Variants in SPECC1 observed in about 807,000 individuals in gnomAD.
SPECC1 encodes the protein cytospin-B.
A neutral mutation model predicts 104.1 loss-of-function variants in SPECC1; 62 were observed. That is an observed-to-expected ratio of 0.60 (90% confidence interval 0.49 to 0.74). The LOEUF is 0.74. Ranked by LOEUF, SPECC1 falls within the 30% of genes least tolerant of loss-of-function variation. The probability of loss-of-function intolerance (pLI) is 0.00; values close to 1 mark genes in which losing one functional copy is unlikely to be tolerated. For missense variants in SPECC1, 1,306 were observed against 1,310.5 expected (o/e 1.00, Z 0.05); for synonymous variants, 513 against 501.6 (o/e 1.02, Z -0.30).
chr17:20,157,853 G>T (rs946468892), intron 3 of SPECC1, among the ~76,000 whole-genome samples: 1 of 152,194 alleles, frequency 6.6e-6, no homozygotes, highest in Non-Finnish European at 1.5e-5. Context: ...TTTAAGAGAT[G>T]GTGTCTCACT....
intron 1 of SPECC1, among the ~76,000 whole-genome samples, chr17:20,045,683 C>T (rs1020830731): frequency 1.3e-5 from 2 of 152,188 alleles, no homozygotes; most frequent in Non-Finnish European, 2.9e-5. Flanking sequence ...TTGGTACATC[C>T]TAGCTCTCAG....
intron 4 of SPECC1, among the ~76,000 whole-genome samples, chr17:20,213,401 T>C (rs1416521993): frequency 6.6e-6 from 1 of 152,168 alleles, no homozygotes; most frequent in Non-Finnish European, 1.5e-5. Context: ...AGAGCTCTTA[T>C]TATAATCACT....
chr17:20,310,083 A>G (rs1052519557), intron 14 of SPECC1, among the ~76,000 whole-genome samples: 1 of 151,996 alleles, frequency 6.6e-6, no homozygotes, highest in Non-Finnish European at 1.5e-5. Flanking sequence ...CAGCCTCCCA[A>G]AGGGCTGGGA....
At chr17:20,245,331 A>G (rs1040998617) in intron 7 of SPECC1, among the ~76,000 whole-genome samples, 7 of 152,186 alleles carry the variant, frequency 4.6e-5, no homozygotes, top group African/African-American at 1.4e-4. Context: ...CACAGTTGCC[A>G]GCACCATAGC....
chr17:20,237,246 CAGA>C, intron 7 of SPECC1: 1 of 1,225,204 alleles, frequency 8.2e-7, no homozygotes, highest in Non-Finnish European at 1.0e-6. Context: ...AGAGCAGATG[CAGA>C]GCTGGGTACA....
At position 20,288,771 on chromosome 17, in the gene SPECC1, CTTTTTTTTTTTT is replaced by C. The variant is rs60578647; in HGVS notation, c.2941-8176_2941-8165del. ...TCATGGCAGGAGGTGAAGGGCACTT[CTTTTTTTTTTTT>C]TTTTTTTTTTTTTGTCCCAAGACGG... is the stretch of plus-strand genomic sequence containing the variant. On this transcript the variant is annotated intron_variant, in intron 12 of 14. Transcript: ENST00000395527. Among the ~76,000 whole-genome samples the C allele has an allele frequency of 1.5e-4, 11 of 73,736 alleles. 1 individual carries two copies. The East Asian group carries it at 2.1e-3, about 14-fold the overall frequency. The allele number at this position is 73,736 out of a possible 152,430, so 48.4% of individuals were successfully genotyped here.
chr17:20,137,210 C>T (rs1301512846), intron 3 of SPECC1, among the ~76,000 whole-genome samples: 4 of 152,204 alleles, frequency 2.6e-5, no homozygotes, highest in Non-Finnish European at 4.4e-5. Context: ...AACGCCTGCA[C>T]GGTTACACTG....
intron 3 of SPECC1, among the ~76,000 whole-genome samples, chr17:20,163,564 C>CTT (rs779886420): frequency 1.1e-3 from 164 of 143,288 alleles, no homozygotes; most frequent in African/African-American, 3.8e-3. Flanking sequence ...CTCTCTCTCT[C>CTT]TTTTTTTTTT....
intron 3 of SPECC1, among the ~76,000 whole-genome samples, chr17:20,144,175 C>CTTTTTTTTTT (rs1168474738): frequency 2.1e-5 from 2 of 94,408 alleles, no homozygotes; most frequent in African/African-American, 4.8e-5. Context: ...TTTTTCTTTT[C>CTTTTTTTTTT]TTTTTTTTTT....
chr17:20,068,305 A>G lies in SPECC1; in HGVS notation c.-21-28326A>G, dbSNP rs559349391. 4.6e-5 allele frequency among the ~76,000 whole-genome samples: 7 copies of G among 152,304 alleles called. No homozygotes were observed. The East Asian group carries it at 1.3e-3, about 29-fold the overall frequency. On this transcript the variant is annotated intron_variant, in intron 1 of 14. Transcript: ENST00000395527. ...AACATAAGGTTTTCAGGGTTCATCC[A>G]TGTATCGGTACATTATTCCTTTTTA...
At chr17:20,247,027 C>T (rs757494) in intron 8 of SPECC1, among the ~76,000 whole-genome samples, 192 bp from the exon 9 acceptor site, 64,832 of 152,008 alleles carry the variant, frequency 0.43, 14,454 homozygotes, top group East Asian at 0.8. Flanking sequence ...CTGACCTCCA[C>T]TCAGCTAAAT....
intron 1 of SPECC1, among the ~76,000 whole-genome samples, chr17:20,055,096 C>G (rs1400310946): frequency 1.3e-5 from 2 of 152,126 alleles, no homozygotes; most frequent in Admixed American, 6.5e-5. Context: ...CGTTTCCCGC[C>G]CTGCAGCTCC....
At chr17:20,220,704 C>G (rs2037820797) in intron 4 of SPECC1, among the ~76,000 whole-genome samples, 1 of 151,938 alleles carries the variant, frequency 6.6e-6, no homozygotes. Context: ...GCTGGGACTT[C>G]CAGTACTGTG....
chr17:20,280,655 T>C (rs2040735689), intron 12 of SPECC1, among the ~76,000 whole-genome samples: 3 of 152,254 alleles, frequency 2.0e-5, no homozygotes, highest in Non-Finnish European at 4.4e-5. Flanking sequence ...AGGTGGCTGC[T>C]GAGCACTTAA....
intron 7 of SPECC1, among the ~76,000 whole-genome samples, chr17:20,233,559 G>A (rs1322013112): frequency 2.6e-5 from 4 of 152,286 alleles, no homozygotes; most frequent in Admixed American, 6.5e-5. Context: ...TATTTTTAGA[G>A]ATGGGGGTCT....
chr17:20,256,199 C>G (rs184498454), intron 10 of SPECC1, among the ~76,000 whole-genome samples: 1 of 152,134 alleles, frequency 6.6e-6, no homozygotes, highest in Non-Finnish European at 1.5e-5. Context: ...TTAGTTGACA[C>G]GGTACATACT....
chr17:20,097,849 G>C (rs1219525207), intron 2 of SPECC1, among the ~76,000 whole-genome samples: 2 of 152,284 alleles, frequency 1.3e-5, no homozygotes, highest in East Asian at 3.9e-4. Flanking sequence ...TCGTGGAGCA[G>C]TTCTTTGTGT....
intron 3 of SPECC1, among the ~76,000 whole-genome samples, chr17:20,122,884 G>T (rs1181501722): frequency 6.6e-6 from 1 of 152,186 alleles, no homozygotes; most frequent in African/African-American, 2.4e-5. Flanking sequence ...TTCACCTGTT[G>T]AAGGACCCTT....
At chr17:20,185,609 T>C (rs923852620) in intron 3 of SPECC1, among the ~76,000 whole-genome samples, 1 of 152,112 alleles carries the variant, frequency 6.6e-6, no homozygotes, top group African/African-American at 2.4e-5. Flanking sequence ...TTGTGTTAAG[T>C]GATGAGGTTA....
Sources: allele counts gnomAD v4.1 joint callset (sites outside exome capture counted in the v4.1 genomes callset), GRCh38; gene constraint gnomAD v4.1.1; transcripts MANE v1.5; gene names NCBI Gene and HGNC (gene_info 2026-07-23, HGNC 2026-07-21).